The following MTFMT variants were observed in gnomAD, a reference collection of about 807,000 sequenced individuals.
MTFMT encodes the protein methionyl-tRNA formyltransferase, mitochondrial.
Under a neutral mutation model 51.8 loss-of-function variants are expected in MTFMT, and 47 were observed. The ratio of observed to expected loss-of-function variants is 0.91; its 90% confidence interval spans 0.72 to 1.16. MTFMT has a LOEUF of 1.16. Among genes scored for constraint, MTFMT ranks in the 50% most tolerant of loss-of-function variants. The pLI is 0.00. For synonymous variants in MTFMT, 196 were observed against 176.7 expected (o/e 1.11, Z -0.87); for missense variants, 512 against 482.3 (o/e 1.06, Z -0.58).
rs754488212 is a variant in MTFMT at position 65,023,810 on chromosome 15, T to A, written c.420-16A>T. 41 of 1,603,682 alleles carry A rather than the reference T, an allele frequency of 2.6e-5. No individual in the cohort carries two copies. Among genetic ancestry groups the A allele is most frequent in the Non-Finnish European group, 3.5e-5 (41 of 1,173,228 alleles). On this transcript the variant is annotated splice_polypyrimidine_tract_variant and intron_variant, in intron 2 of 8. Transcript: ENST00000220058. ...CAATATGCCACTGAGTTAGAAAATG[T>A]AGAAATTAGTATGTCAGTGGGCTTT...
chr15:65,011,369 T>C (rs2086263808), intron 6 of MTFMT, among the ~76,000 whole-genome samples: 1 of 152,136 alleles, frequency 6.6e-6, no homozygotes, highest in African/African-American at 2.4e-5. Context: ...TTGGCCATTT[T>C]TAATTGGGTT....
chr15:65,029,635 G>C lies in MTFMT; in HGVS notation c.-22C>G. On this transcript the variant is annotated 5_prime_UTR_variant, in exon 1 of 9. Transcript: ENST00000220058. ...TCATCGCCTCGGCCGCCGGCGGCCG[G>C]CCCTGCGCAGGCGCATCGGGGCGGG... is the stretch of plus-strand genomic sequence containing the variant. 1.5e-6 allele frequency: 2 copies of C among 1,373,668 alleles called. No homozygotes were observed. Among genetic ancestry groups the C allele is most frequent in the Non-Finnish European group, 1.9e-6 (2 of 1,062,614 alleles). 85.1% of individuals were successfully genotyped at this position (1,373,668 alleles called of 1,614,324 possible). A position where few individuals can be genotyped will look rare whatever the true frequency, so the allele number is the denominator to read the frequency against.
intron 6 of MTFMT, among the ~76,000 whole-genome samples, chr15:65,014,784 C>T (rs28613278): frequency 0.045 from 6,838 of 150,766 alleles, 508 homozygotes; most frequent in African/African-American, 0.16. Context: ...CATGCCACCA[C>T]GCCCAGCTAA....
intron 2 of MTFMT, 62 bp downstream of exon 2, chr15:65,026,769 T>C: frequency 8.0e-7 from 1 of 1,255,564 alleles, no homozygotes; most frequent in Non-Finnish European, 1.1e-6. Flanking sequence ...ACATTTTATA[T>C]ACAAGGTCCA....
intron 3 of MTFMT, among the ~76,000 whole-genome samples, chr15:65,022,190 T>C (rs1411815702): frequency 1.3e-5 from 2 of 152,180 alleles, no homozygotes; most frequent in Non-Finnish European, 2.9e-5. Context: ...GGGCCAGGCG[T>C]AGTGGCTCAT....
intron 6 of MTFMT, among the ~76,000 whole-genome samples, chr15:65,013,942 CAA>C (rs535975977): frequency 7.7e-6 from 1 of 129,614 alleles, no homozygotes; most frequent in Non-Finnish European, 1.7e-5. Context: ...GACACCATCT[CAA>C]AAAAAAAAAA....
intron 6 of MTFMT, among the ~76,000 whole-genome samples, chr15:65,012,315 AT>A (rs1479448750): frequency 1.3e-5 from 2 of 151,550 alleles, no homozygotes; most frequent in Admixed American, 1.3e-4. Context: ...AATAATAATA[AT>A]AATAATAAAA....
At chr15:65,004,611 C>A (rs1294795926) in intron 8 of MTFMT, among the ~76,000 whole-genome samples, 1 of 152,146 alleles carries the variant, frequency 6.6e-6, no homozygotes, top group African/African-American at 2.4e-5. Context: ...TACACGTGTT[C>A]TTTTAAGAAA....
chr15:65,016,606 G>T, intron 5 of MTFMT, 79 bp from the exon 6 acceptor site: 1 of 818,080 alleles, frequency 1.2e-6, no homozygotes, highest in Non-Finnish European at 1.9e-6. Context: ...CTGAATAAGA[G>T]ATACCAGAGA....
At chr15:65,005,933 AAT>A (rs1213826054) in intron 7 of MTFMT, among the ~76,000 whole-genome samples, 178 bp downstream of exon 7, 1 of 152,174 alleles carries the variant, frequency 6.6e-6, no homozygotes, top group Non-Finnish European at 1.5e-5. Flanking sequence ...TAAATGAGAA[AAT>A]ATATGAGAAT....
chr15:65,003,241 C>T lies in MTFMT; in HGVS notation c.991G>A (p.Val331Ile), dbSNP rs768344334. The change falls in exon 9 of 9, where the codon GTT becomes ATT. Residue 331 changes from valine to isoleucine, a missense_variant. By Grantham distance (29) the Val-to-Ile change is conservative. Transcript: ENST00000220058. ...GATTTCTTGAGCATCACTGATCGAA[C>T]ACCAATCCAACCATCCTAAAGGGCA... ...LVYCKDGWIG[V>I]RSVMLKKSLT... 6.2e-7 allele frequency: 1 copy of T among 1,612,842 alleles called. No individual in the cohort carries two copies. Among genetic ancestry groups the T allele is most frequent in the Non-Finnish European group, 8.5e-7 (1 of 1,179,284 alleles).
Position 65,002,906 on chromosome 15 carries a change from T to G in MTFMT, c.*156A>C. The G allele has an allele frequency of 1.4e-5, 6 of 425,424 alleles. No individual in the cohort carries two copies. Among genetic ancestry groups the G allele is most frequent in the Non-Finnish European group, 1.6e-5 (4 of 257,644 alleles). The allele number at this position is 425,424 out of a possible 1,614,324, so 26.4% of individuals were successfully genotyped here. Reference sequence around the variant, plus strand: ...TGAACCTGGGAGGCGGAGGTTGCAGTGAGCTGAGATAGTGCCACTGGATTC... The same window carrying G: ...TGAACCTGGGAGGCGGAGGTTGCAGGGAGCTGAGATAGTGCCACTGGATTC... On this transcript the variant is annotated 3_prime_UTR_variant, in exon 9 of 9. Transcript: ENST00000220058.
At chr15:65,025,299 G>A (rs946383601) in intron 2 of MTFMT, among the ~76,000 whole-genome samples, 1 of 149,210 alleles carries the variant, frequency 6.7e-6, no homozygotes, top group African/African-American at 2.5e-5. Context: ...CAGCTACTCA[G>A]AAGGCTGAGG....
intron 6 of MTFMT, among the ~76,000 whole-genome samples, chr15:65,012,285 T>C (rs1211718864): frequency 4.6e-5 from 7 of 151,486 alleles, no homozygotes; most frequent in African/African-American, 1.7e-4. Context: ...TGTGCACATG[T>C]ACCCTAGAAC....
chr15:65,008,805 T>G (rs2086239497), intron 6 of MTFMT, among the ~76,000 whole-genome samples: 1 of 152,236 alleles, frequency 6.6e-6, no homozygotes, highest in Non-Finnish European at 1.5e-5. Context: ...ATGTGCAATT[T>G]TTTTCTTTTA....
chr15:65,024,049 G>A (rs2086398860), intron 2 of MTFMT, among the ~76,000 whole-genome samples: 1 of 152,166 alleles, frequency 6.6e-6, no homozygotes, highest in South Asian at 2.1e-4. Flanking sequence ...TGTTCTGTCT[G>A]GGTGTGGTGG....
At chr15:65,019,981 C>G (rs2086357359) in intron 5 of MTFMT, among the ~76,000 whole-genome samples, 1 of 151,910 alleles carries the variant, frequency 6.6e-6, no homozygotes, top group Non-Finnish European at 1.5e-5. Flanking sequence ...TTAATATTTT[C>G]AAAATCAAGA....
chr15:65,005,355 C>G (rs2086213112), intron 7 of MTFMT, among the ~76,000 whole-genome samples: 1 of 152,200 alleles, frequency 6.6e-6, no homozygotes, highest in Non-Finnish European at 1.5e-5. Flanking sequence ...CCAGCTTCCT[C>G]TGTGGCTCAC....
At chr15:65,009,508 A>G (rs930725456) in intron 6 of MTFMT, among the ~76,000 whole-genome samples, 1 of 152,086 alleles carries the variant, frequency 6.6e-6, no homozygotes, top group Non-Finnish European at 1.5e-5. Context: ...ATCTATCTCT[A>G]ATTTCCCAGA....
Sources: allele counts gnomAD v4.1 joint callset (sites outside exome capture counted in the v4.1 genomes callset), GRCh38; gene constraint gnomAD v4.1.1; transcripts MANE v1.5; gene names NCBI Gene and HGNC (gene_info 2026-07-23, HGNC 2026-07-21).